The following RBM27 variants were observed in gnomAD, a reference collection of about 807,000 sequenced individuals.
The protein encoded by RBM27 is RNA-binding protein 27.
In RBM27, 22 loss-of-function variants were observed where a neutral mutation model predicts 135.3. That is an observed-to-expected ratio of 0.16 (90% CI 0.12 to 0.23). RBM27 has a LOEUF of 0.23. Ranked by LOEUF, RBM27 falls within the 10% of genes least tolerant of loss-of-function variation. The pLI, the probability that RBM27 is intolerant of heterozygous loss-of-function variation, is 1.00. For synonymous variants in RBM27, 481 were observed against 442.4 expected (o/e 1.09, Z -1.10); for missense variants, 1,009 against 1,281.0 (o/e 0.79, Z 3.24).
rs895518703 is a variant in RBM27, at chr5:146,235,671, A to AT, written c.1145-1617dup. 3.5e-3 allele frequency among the ~76,000 whole-genome samples: 521 copies of AT among 149,450 alleles called. 4 individuals carry two copies. Among genetic ancestry groups the AT allele is most frequent in the African/African-American group, 0.012 (482 of 40,676 alleles). On this transcript the variant is annotated intron_variant, in intron 7 of 20. Transcript: ENST00000265271. ...GTTTTTTTTTAACTTAGCATTTGTGATTTTTTTTTTCTTTTATTTTCTTTT... is the reference window on the plus strand; with the variant it reads ...GTTTTTTTTTAACTTAGCATTTGTGATTTTTTTTTTTCTTTTATTTTCTTTT...
intron 1 of RBM27, among the ~76,000 whole-genome samples, chr5:146,214,835 A>G (rs536619450): frequency 1.3e-5 from 2 of 152,290 alleles, no homozygotes; most frequent in East Asian, 1.9e-4. Context: ...TCTGTCAGTT[A>G]TTAACAATCA....
intron 10 of RBM27, 26 bp from the exon 11 acceptor site, chr5:146,258,423 G>T: frequency 6.6e-7 from 1 of 1,523,520 alleles, no homozygotes; most frequent in Non-Finnish European, 8.8e-7. Flanking sequence ...GAAAAACTCA[G>T]TAATTTCAAT....
intron 11 of RBM27, 24 bp from the exon 12 acceptor site, chr5:146,260,720 CA>C (rs757486111): frequency 6.4e-7 from 1 of 1,568,120 alleles, no homozygotes; most frequent in Admixed American, 1.9e-5. Context: ...GAGAATTAAC[CA>C]AGATGTATTA....
At chr5:146,260,419 T>A (rs1758344874) in intron 11 of RBM27, among the ~76,000 whole-genome samples, 1 of 152,202 alleles carries the variant, frequency 6.6e-6, no homozygotes, top group East Asian at 1.9e-4. Flanking sequence ...AGATGTGGTC[T>A]TACTATGTTC....
chr5:146,220,591 T>C (rs1406380840), intron 2 of RBM27, among the ~76,000 whole-genome samples: 1 of 151,698 alleles, frequency 6.6e-6, no homozygotes, highest in Non-Finnish European at 1.5e-5. Flanking sequence ...TGAGAAGATA[T>C]CATTTAAAAT....
intron 8 of RBM27, among the ~76,000 whole-genome samples, chr5:146,240,290 TTCTATCTGTCTG>T (rs1178331143): frequency 2.0e-5 from 3 of 146,478 alleles, no homozygotes; most frequent in Admixed American, 1.3e-4. Flanking sequence ...GATTGCTGTT[TTCTATCTGTCTG>T]TCTGTCTGTC....
At chr5:146,251,599 C>A in intron 8 of RBM27, 112 bp from the exon 9 acceptor site, 1 of 1,003,502 alleles carries the variant, frequency 1.0e-6, no homozygotes, top group Non-Finnish European at 1.5e-6. Flanking sequence ...TACTTCTATT[C>A]CTGTTGGTTT....
At chr5:146,281,023 A>G (rs1010073076) in intron 19 of RBM27, among the ~76,000 whole-genome samples, 2 of 151,604 alleles carry the variant, frequency 1.3e-5, no homozygotes, top group Admixed American at 6.6e-5. Context: ...ACACCCAACT[A>G]ATTTTTGTAT....
At chr5:146,216,976 A>G (rs1756222702) in intron 1 of RBM27, among the ~76,000 whole-genome samples, 1 of 150,032 alleles carries the variant, frequency 6.7e-6, no homozygotes, top group Non-Finnish European at 1.5e-5. Flanking sequence ...CTGTCTATTT[A>G]TTTATTTGGA....
intron 8 of RBM27, among the ~76,000 whole-genome samples, chr5:146,249,962 CACAGTTAT>C (rs1289659497): frequency 6.6e-6 from 1 of 152,052 alleles, no homozygotes; most frequent in African/African-American, 2.4e-5. Flanking sequence ...ATGCTAAGTG[CACAGTTAT>C]ACAGTATGAT....
chr5:146,229,949 T>C (rs1238371093), intron 5 of RBM27, 39 bp downstream of exon 5: 8 of 1,606,250 alleles, frequency 5.0e-6, no homozygotes, highest in Non-Finnish European at 6.8e-6. Flanking sequence ...TCTGTAGTTA[T>C]TTATCTGTCT....
At chr5:146,213,393 C>G (rs1756054206) in intron 1 of RBM27, among the ~76,000 whole-genome samples, 1 of 152,126 alleles carries the variant, frequency 6.6e-6, no homozygotes, top group African/African-American at 2.4e-5. Context: ...GCCACCACGC[C>G]CAGCCAAGAG....
intron 8 of RBM27, among the ~76,000 whole-genome samples, chr5:146,238,116 A>G (rs1035747237): frequency 1.3e-5 from 2 of 152,238 alleles, no homozygotes; most frequent in African/African-American, 4.8e-5. Context: ...AATTATGCCT[A>G]ATAATTAACT....
chr5:146,240,051 A>G (rs1417157580), intron 8 of RBM27, among the ~76,000 whole-genome samples: 1 of 152,100 alleles, frequency 6.6e-6, no homozygotes, highest in African/African-American at 2.4e-5. Flanking sequence ...GGTTGGGATT[A>G]CAGGCGTGAG....
intron 11 of RBM27, among the ~76,000 whole-genome samples, chr5:146,259,979 CAAAAAAAAAAAAAAAA>C (rs34781548): frequency 8.5e-4 from 30 of 35,292 alleles, no homozygotes; most frequent in African/African-American, 4.9e-3. Flanking sequence ...GACTCCGTCT[CAAAAAAAAAAAAAAAA>C]AAAAAAAAAA....
At position 146,223,411 on chromosome 5, in the gene RBM27, G is replaced by T; in HGVS notation, c.187G>T (p.Gly63Cys). Residue 63 changes from glycine to cysteine, a missense_variant, in exon 3 of 21, where the codon GGT becomes TGT. This residue lies in a region of RBM27 where 268 missense variants were observed against 326.6 expected (regional missense o/e 0.82). Coordinates refer to ENST00000265271, the MANE Select transcript of RBM27 (RefSeq NM_018989.2). ...TTATTTCTTCTCCTTAGAAACTTCA[G>T]GTTTTGTGGACAAACTATTTGAAAG... ...LDVFLQKETSGFVDKLFESLY... is the reference protein window; with the variant it reads ...LDVFLQKETSCFVDKLFESLY... 6.3e-7 allele frequency: 1 copy of T among 1,587,300 alleles called. No homozygotes were observed. The highest frequency in any genetic ancestry group is 1.9e-5 in the Admixed American group (1 of 52,566).
In RBM27 at chr5:146,260,796, T is replaced by C; in HGVS notation, c.1791T>C (p.Tyr597=). Residue 597 remains tyrosine (Y), a synonymous_variant, in exon 12 of 21, where the codon TAT becomes TAC. Coordinates refer to ENST00000265271, the MANE Select transcript of RBM27 (RefSeq NM_018989.2). ...NKPGFLRKNQ[Y]TNTKLEVKKI... is the part of the protein sequence containing the mutation. ...CAGGGTTCTTACGAAAGAATCAGTA[T>C]ACAAACACCAAATTAGAAGTCAAGA... The C allele has an allele frequency of 6.2e-7, 1 of 1,613,430 alleles. No individual in the cohort carries two copies. The highest frequency in any genetic ancestry group is 8.5e-7 in the Non-Finnish European group (1 of 1,179,644).
intron 1 of RBM27, among the ~76,000 whole-genome samples, chr5:146,209,377 G>A (rs1211874716): frequency 6.6e-6 from 1 of 152,190 alleles, no homozygotes; most frequent in African/African-American, 2.4e-5. Flanking sequence ...GACTTGATGT[G>A]CAGTTTTTGT....
chr5:146,274,530 A>G (rs1294578036), intron 19 of RBM27, among the ~76,000 whole-genome samples: 1 of 152,156 alleles, frequency 6.6e-6, no homozygotes, highest in African/African-American at 2.4e-5. Context: ...TGGCCTCCCA[A>G]AGTGCTGGGA....
Sources: gnomAD v4.1 joint callset for allele counts (sites outside exome capture counted in the v4.1 genomes callset) on GRCh38, gnomAD v4.1.1 for gene constraint, gnomAD v4.1.1 regional missense constraint, MANE v1.5 for transcripts, NCBI Gene and HGNC (gene_info 2026-07-23, HGNC 2026-07-21) for gene names.